The following RARB variants were observed in gnomAD, a reference collection of about 807,000 sequenced individuals.
The protein encoded by RARB is HBV-activated protein.
RARB carries 17 observed loss-of-function variants against 51.9 expected under a neutral mutation model. That is an observed-to-expected ratio of 0.33 (90% confidence interval 0.22 to 0.49). The LOEUF (loss-of-function observed/expected upper bound fraction) is 0.49, where lower values mean the gene tolerates loss of function less well. Among genes scored for constraint, RARB ranks in the 20% least tolerant of loss-of-function variants. The pLI is 0.99. For synonymous variants in RARB, 215 were observed against 195.4 expected (o/e 1.10, Z -0.84); for missense variants, 369 against 550.8 (o/e 0.67, Z 3.30).
chr3:25,094,976 T>C (rs1348973167), intron 3 of RARB, among the ~76,000 whole-genome samples: 1 of 152,112 alleles, frequency 6.6e-6, no homozygotes, highest in East Asian at 1.9e-4. Flanking sequence ...GTTACCTCAT[T>C]TGACAAATGA....
intron 2 of RARB, among the ~76,000 whole-genome samples, chr3:24,932,015 G>A (rs1177230725): frequency 6.6e-6 from 1 of 152,000 alleles, no homozygotes; most frequent in Non-Finnish European, 1.5e-5. Context: ...GATTCCAACT[G>A]AATGCCAAGT....
intron 5 of RARB, among the ~76,000 whole-genome samples, chr3:25,196,009 A>T (rs921016642): frequency 6.6e-6 from 1 of 151,998 alleles, no homozygotes; most frequent in Non-Finnish European, 1.5e-5. Context: ...TCATTTAAAA[A>T]TTCTTCGTGG....
intron 1 of RARB, among the ~76,000 whole-genome samples, chr3:25,434,825 C>T (rs529402754): frequency 6.6e-6 from 1 of 152,170 alleles, no homozygotes; most frequent in East Asian, 1.9e-4. Context: ...CAGGCGTGAG[C>T]CACCGAGCCC....
intron 5 of RARB, among the ~76,000 whole-genome samples, chr3:25,279,570 C>G (rs543825224): frequency 6.6e-6 from 1 of 150,476 alleles, no homozygotes; most frequent in Non-Finnish European, 1.5e-5. Flanking sequence ...ATAGTTACTA[C>G]TGATCTATTA....
chr3:25,299,158 G>A (rs1229821658), intron 5 of RARB, among the ~76,000 whole-genome samples: 3 of 152,138 alleles, frequency 2.0e-5, no homozygotes, highest in African/African-American at 7.2e-5. Context: ...CGTTTAGTGA[G>A]TATTTACTGG....
chr3:25,353,795 C>A (rs1408391366), intron 5 of RARB, among the ~76,000 whole-genome samples: 2 of 152,008 alleles, frequency 1.3e-5, no homozygotes, highest in African/African-American at 4.8e-5. Flanking sequence ...GGTCTTTGAC[C>A]CAGTTGTGAC....
At chr3:25,012,416 AT>A (rs1305231896) in intron 2 of RARB, among the ~76,000 whole-genome samples, 1 of 152,116 alleles carries the variant, frequency 6.6e-6, no homozygotes, top group African/African-American at 2.4e-5. Flanking sequence ...CAGAATGAGT[AT>A]TTCTAACAAG....
At chr3:25,109,944 T>G (rs1460076757) in intron 3 of RARB, among the ~76,000 whole-genome samples, 1 of 152,244 alleles carries the variant, frequency 6.6e-6, no homozygotes, top group East Asian at 1.9e-4. Context: ...TTCATCCCTT[T>G]GCTTCCCATC....
intron 2 of RARB, among the ~76,000 whole-genome samples, chr3:24,941,174 G>A (rs1261294919): frequency 1.3e-5 from 2 of 152,046 alleles, no homozygotes; most frequent in African/African-American, 4.8e-5. Context: ...TAGAAGGATG[G>A]AGGGTGGATA....
intron 2 of RARB, among the ~76,000 whole-genome samples, chr3:24,909,433 C>T (rs905190721): frequency 5.9e-5 from 9 of 152,144 alleles, no homozygotes; most frequent in African/African-American, 1.4e-4. Flanking sequence ...AGTTCACTGA[C>T]GCGGGTGAAT....
At chr3:24,924,070 T>C (rs557831505) in intron 2 of RARB, among the ~76,000 whole-genome samples, 171 of 152,288 alleles carry the variant, frequency 1.1e-3, no homozygotes, top group African/African-American at 3.8e-3. Context: ...AAGTCTATAC[T>C]CCAAAACCCA....
chr3:25,227,115 G>A (rs1451476722), intron 5 of RARB, among the ~76,000 whole-genome samples: 2 of 152,208 alleles, frequency 1.3e-5, no homozygotes, highest in African/African-American at 2.4e-5. Context: ...GGGACAGCAT[G>A]TTTGCCATTT....
intron 5 of RARB, among the ~76,000 whole-genome samples, chr3:25,374,182 A>T (rs6765976): frequency 0.014 from 2,144 of 152,188 alleles, 48 homozygotes; most frequent in African/African-American, 0.049. Context: ...GTCAGTCAGC[A>T]CCTAGAGAGC....
At chr3:25,335,512 G>A (rs977764755) in intron 5 of RARB, among the ~76,000 whole-genome samples, 2 of 152,142 alleles carry the variant, frequency 1.3e-5, no homozygotes, top group Middle Eastern at 3.2e-3. Flanking sequence ...TGCATATCAG[G>A]CCAGGTTTGG....
At chr3:24,847,226 C>T (rs1346313054) in intron 1 of RARB, among the ~76,000 whole-genome samples, 1 of 152,150 alleles carries the variant, frequency 6.6e-6, no homozygotes, top group Non-Finnish European at 1.5e-5. Flanking sequence ...AGTCTGAGAA[C>T]CATTGTTCAA....
intron 5 of RARB, among the ~76,000 whole-genome samples, chr3:25,214,676 G>T (rs551484543): frequency 4.6e-5 from 7 of 152,294 alleles, no homozygotes; most frequent in Admixed American, 6.5e-5. Flanking sequence ...AATTTACACA[G>T]TTCCCAAGGG....
intron 5 of RARB, among the ~76,000 whole-genome samples, chr3:25,417,559 G>A (rs972598046): frequency 2.6e-5 from 4 of 152,126 alleles, no homozygotes; most frequent in Middle Eastern, 3.2e-3. Flanking sequence ...CTCTTCTCTT[G>A]TCTGCCACCA....
intron 3 of RARB, among the ~76,000 whole-genome samples, chr3:25,511,421 G>C (rs141183650): frequency 1.0e-3 from 158 of 152,276 alleles, no homozygotes; most frequent in African/African-American, 3.6e-3. Flanking sequence ...GTGAGCCACA[G>C]TGCCCAGCCA....
intron 2 of RARB, among the ~76,000 whole-genome samples, chr3:24,868,175 ATG>A (rs1308315935): frequency 6.6e-6 from 1 of 152,168 alleles, no homozygotes; most frequent in Non-Finnish European, 1.5e-5. Flanking sequence ...TATGAAATGC[ATG>A]TGTTACATGT....
Sources: gnomAD v4.1 joint callset for allele counts (sites outside exome capture counted in the v4.1 genomes callset) on GRCh38, gnomAD v4.1.1 for gene constraint, MANE v1.5 for transcripts, NCBI Gene and HGNC (gene_info 2026-07-23, HGNC 2026-07-21) for gene names.